Variants in SCN11A observed in about 807,000 individuals in gnomAD.
SCN11A encodes sodium channel protein type 11 subunit alpha.
A neutral mutation model predicts 162.2 loss-of-function variants in SCN11A; 122 were observed. The observed-to-expected ratio is 0.75, with a 90% confidence interval of 0.65 to 0.87. The LOEUF (loss-of-function observed/expected upper bound fraction) is 0.87, where lower values mean the gene tolerates loss of function less well. SCN11A is among the 40% of genes least tolerant of loss of function. The pLI, the probability that SCN11A is intolerant of heterozygous loss-of-function variation, is 0.00. For missense variants in SCN11A, 2,015 were observed against 2,181.6 expected (o/e 0.92, Z 1.52); for synonymous variants, 758 against 751.5 (o/e 1.01, Z -0.14).
chr3:38,989,177 G>A (rs1029059730), intron 2 of SCN11A, among the ~76,000 whole-genome samples: 2 of 152,208 alleles, frequency 1.3e-5, no homozygotes, highest in East Asian at 1.9e-4. Flanking sequence ...CACAAGTAGC[G>A]CTCTGGTCAA....
At chr3:39,021,620 T>C (rs2031453491) in intron 2 of SCN11A, among the ~76,000 whole-genome samples, 4 of 152,164 alleles carry the variant, frequency 2.6e-5, no homozygotes, top group African/African-American at 9.7e-5. Flanking sequence ...AACCGAAGTT[T>C]GGTTAACAGG....
At position 39,043,558 on chromosome 3, in the gene SCN11A, G is replaced by T. The variant is rs1034619712; in HGVS notation, c.-404+8303C>A. 2.0e-5 allele frequency among the ~76,000 whole-genome samples: 3 copies of T among 149,330 alleles called. No individual in the cohort carries two copies. In the South Asian group the frequency reaches 6.3e-4, roughly 31 times the overall value. On this transcript the variant is annotated intron_variant, in intron 1 of 29. Coordinates refer to ENST00000302328, the MANE Select transcript of SCN11A (RefSeq NM_001349253.2). ...GGAACTGGAGGTCATTATATTAAGC[G>T]AAATAAGCCAGGCACAGAAAGCAAA...
At position 38,896,880 on chromosome 3, in the gene SCN11A, C is replaced by A; in HGVS notation, c.2368G>T (p.Val790Phe). The A allele has an allele frequency of 6.2e-7, 1 of 1,605,062 alleles. No homozygotes were observed. The highest frequency in any genetic ancestry group is 8.5e-7 in the Non-Finnish European group (1 of 1,176,116). The change falls in exon 18 of 30, where the codon GTC becomes TTC. Residue 790 changes from valine to phenylalanine, a missense_variant. By Grantham distance (50) the Val-to-Phe change is conservative (BLOSUM62 -1). Coordinates refer to ENST00000302328, the MANE Select transcript of SCN11A (RefSeq NM_001349253.2). ...CCTATCACCGTGATCAATATGAAGA[C>A]AATAACACACAATGATGATGATGCA... ...ANASSSLCVI[V>F]FILITVIGKL...
At chr3:38,907,895 A>G in intron 14 of SCN11A, 54 bp downstream of exon 14, 1 of 1,432,846 alleles carries the variant, frequency 7.0e-7, no homozygotes, top group Non-Finnish European at 9.5e-7. Context: ...TGGCAATTGG[A>G]CCTGTCCCCC....
In SCN11A at chr3:38,904,107, G is replaced by T. The variant is rs1460369044; in HGVS notation, c.1604-4C>A. 6.5e-7 allele frequency: 1 copy of T among 1,542,862 alleles called. No individual in the cohort carries two copies. The highest frequency in any genetic ancestry group is 8.7e-7 in the Non-Finnish European group (1 of 1,145,150). ...GGCTCTTGTGATTTTTCTTGTTCTG[G>T]AGGAGAATGAGCGAGAGGTTGAGGA... On this transcript the variant is annotated splice_polypyrimidine_tract_variant and splice_region_variant and intron_variant, in intron 15 of 29. Transcript: ENST00000302328.
intron 2 of SCN11A, among the ~76,000 whole-genome samples, chr3:38,995,029 G>A (rs1202408138): frequency 6.6e-6 from 1 of 152,108 alleles, no homozygotes; most frequent in African/African-American, 2.4e-5. Context: ...CACACTTCCT[G>A]GGAAGCTAAC....
chr3:39,049,206 G>C (rs1469679048), intron 1 of SCN11A, among the ~76,000 whole-genome samples: 3 of 152,206 alleles, frequency 2.0e-5, no homozygotes, highest in Non-Finnish European at 2.9e-5. Flanking sequence ...TATCAAAAAG[G>C]GTTATCTCCC....
intron 3 of SCN11A, among the ~76,000 whole-genome samples, chr3:38,959,325 C>T (rs920878982): frequency 6.6e-6 from 1 of 152,178 alleles, no homozygotes; most frequent in African/African-American, 2.4e-5. Context: ...GCTGGAAAAT[C>T]TCAAGCCGAA....
chr3:38,897,468 G>A (rs190554207), intron 17 of SCN11A, among the ~76,000 whole-genome samples: 552 of 152,338 alleles, frequency 3.6e-3, no homozygotes, highest in Non-Finnish European at 5.5e-3. Context: ...TGTAATCCCA[G>A]CACTTTGGGA....
chr3:38,871,839 T>C, intron 24 of SCN11A, 131 bp from the exon 25 acceptor site: 1 of 743,328 alleles, frequency 1.3e-6, no homozygotes, highest in Non-Finnish European at 2.2e-6. Context: ...CACATACATG[T>C]GCCCCATCCC....
Position 38,894,969 on chromosome 3 carries a change from G to T in SCN11A, c.2404-5C>A, listed in dbSNP as rs751257954. 57 of 1,590,672 alleles carry T rather than the reference G, an allele frequency of 3.6e-5. No individual in the cohort carries two copies. The highest frequency in any genetic ancestry group is 1.0e-4 in the South Asian group (9 of 88,186). ...GGCAATGAAGAGGTTGAGCACCTGG[G>T]AATGGGGTGGGTAGCAAGAAGAAAG... On this transcript the variant is annotated splice_polypyrimidine_tract_variant and splice_region_variant and intron_variant, in intron 18 of 29. Transcript: ENST00000302328.
rs747645014 is a variant in SCN11A at position 38,945,300 on chromosome 3, T to C, written c.488+111A>G. 1.1e-5 allele frequency: 7 copies of C among 661,712 alleles called. No individual in the cohort carries two copies. In the South Asian group the frequency reaches 1.2e-4, roughly 12 times the overall value. 41.0% of individuals were successfully genotyped at this position (661,712 alleles called of 1,614,324 possible). A position where few individuals can be genotyped will look rare whatever the true frequency, so the allele number is the denominator to read the frequency against. On this transcript the variant is annotated intron_variant, in intron 7 of 29. Coordinates refer to ENST00000302328, the MANE Select transcript of SCN11A (RefSeq NM_001349253.2). ...AAAAATAAAACTGATTCTGCCAACA[T>C]ATGTGTTAGAATTATTAGTGACTTT...
At chr3:38,950,635 A>T in intron 4 of SCN11A, 1 of 450,748 alleles carries the variant, frequency 2.2e-6, no homozygotes, top group Non-Finnish European at 4.1e-6. Flanking sequence ...AGTTGAGTTC[A>T]GGAACAAGTG....
At chr3:38,894,990 G>T in intron 18 of SCN11A, 26 bp from the exon 19 acceptor site, 1 of 1,558,406 alleles carries the variant, frequency 6.4e-7, no homozygotes, top group East Asian at 2.3e-5. Flanking sequence ...GTAGCAAGAA[G>T]AAAGGAAAGT....
At chr3:38,895,919 A>G (rs1272384051) in intron 18 of SCN11A, among the ~76,000 whole-genome samples, 3 of 152,168 alleles carry the variant, frequency 2.0e-5, no homozygotes, top group Non-Finnish European at 2.9e-5. Context: ...GGATAAAGCT[A>G]TCGTGTGTAG....
At chr3:38,913,513 G>A (rs1463749683) in intron 11 of SCN11A, among the ~76,000 whole-genome samples, 1 of 152,074 alleles carries the variant, frequency 6.6e-6, no homozygotes, top group African/African-American at 2.4e-5. Context: ...GATCCCATTT[G>A]TCAAATTTTG....
chr3:39,039,916 G>A (rs1287605630), intron 1 of SCN11A, among the ~76,000 whole-genome samples: 1 of 152,188 alleles, frequency 6.6e-6, no homozygotes, highest in East Asian at 1.9e-4. Flanking sequence ...ATCCAGTGAT[G>A]GAGATATAGC....
chr3:38,980,813 C>T (rs577001107), intron 2 of SCN11A, among the ~76,000 whole-genome samples: 56 of 152,272 alleles, frequency 3.7e-4, no homozygotes, highest in Non-Finnish European at 5.3e-4. Flanking sequence ...GGCAGCTTTT[C>T]CCCAACATCA....
In SCN11A at chr3:38,970,072, G is replaced by A. The variant is rs1218450523; in HGVS notation, c.-279-9649C>T. ...TGGCTTCTGGTCCCCCAAAGAGCCT[G>A]CTCTCAGGAAAGCATTAGTGAGCAT... On this transcript the variant is annotated intron_variant, in intron 2 of 29. Transcript: ENST00000302328. Among the ~76,000 whole-genome samples, 4 of 151,130 alleles carry A rather than the reference G, an allele frequency of 2.6e-5. No individual in the cohort carries two copies. In the Admixed American group the frequency reaches 2.7e-4, roughly 10 times the overall value.
Sources: gnomAD v4.1 joint callset for allele counts (sites outside exome capture counted in the v4.1 genomes callset) on GRCh38, gnomAD v4.1.1 for gene constraint, MANE v1.5 for transcripts, NCBI Gene and HGNC (gene_info 2026-07-23, HGNC 2026-07-21) for gene names.